Variants in TECPR1 observed in about 807,000 individuals in gnomAD.
The protein encoded by TECPR1 is tectonin beta-propeller repeat containing 1.
A neutral mutation model predicts 162.4 loss-of-function variants in TECPR1; 122 were observed. The observed-to-expected ratio is 0.75, with a 90% CI of 0.65 to 0.87. TECPR1 has a LOEUF of 0.87. Ranked by LOEUF, TECPR1 falls within the 40% of genes least tolerant of loss-of-function variation. The pLI is 0.00. For missense variants in TECPR1, 1,432 were observed against 1,618.2 expected (o/e 0.88, Z 1.97); for synonymous variants, 642 against 670.6 (o/e 0.96, Z 0.66).
At chr7:98,223,200 G>T in intron 20 of TECPR1, 30 bp from the exon 21 acceptor site, 1 of 1,554,492 alleles carries the variant, frequency 6.4e-7, no homozygotes, top group Non-Finnish European at 8.7e-7. Context: ...CACAGCCCAG[G>T]GACCCCAAGG....
chr7:98,243,948 A>C (rs1798834769), intron 5 of TECPR1, among the ~76,000 whole-genome samples: 1 of 152,216 alleles, frequency 6.6e-6, no homozygotes, highest in South Asian at 2.1e-4. Flanking sequence ...CTGTAGTCCC[A>C]GCTACTAGGG....
intron 21 of TECPR1, 54 bp from the exon 22 acceptor site, chr7:98,222,575 C>T: frequency 6.5e-7 from 1 of 1,537,382 alleles, no homozygotes; most frequent in African/African-American, 1.4e-5. Context: ...CCCCCAGGGC[C>T]CCACCTCCAG....
chr7:98,245,721 G>A (rs1214906858), intron 3 of TECPR1, among the ~76,000 whole-genome samples: 2 of 152,140 alleles, frequency 1.3e-5, no homozygotes, highest in Admixed American at 1.3e-4. Context: ...CGATCTGCCC[G>A]CCACAGCCTT....
chr7:98,233,232 A>T, intron 11 of TECPR1, 189 bp downstream of exon 11: 1 of 894,456 alleles, frequency 1.1e-6, no homozygotes, highest in Non-Finnish European at 1.6e-6. Context: ...CCAGGTCCTG[A>T]CAGCCTCGGG....
At chr7:98,236,754 G>T in intron 10 of TECPR1, 22 bp downstream of exon 10, 1 of 1,588,670 alleles carries the variant, frequency 6.3e-7, no homozygotes, top group African/African-American at 1.4e-5. Flanking sequence ...TGACTCCTGC[G>T]CACCCTGCCA....
At chr7:98,246,797 G>A (rs1255326117) in intron 2 of TECPR1, among the ~76,000 whole-genome samples, 2 of 151,652 alleles carry the variant, frequency 1.3e-5, no homozygotes, top group Non-Finnish European at 2.9e-5. Flanking sequence ...TGGACAGGCT[G>A]GTCTCGAACT....
Position 98,229,052 on chromosome 7 carries a change from G to A in TECPR1, c.2397C>T (p.Gly799=), listed in dbSNP as rs753257129. 7.5e-6 allele frequency: 12 copies of A among 1,596,012 alleles called. No individual in the cohort carries two copies. Among genetic ancestry groups the A allele is most frequent in the Admixed American group, 1.7e-5 (1 of 57,748 alleles). ...TAWVYTGGYG[G]GCFQGLASST... The stretch of plus-strand genomic sequence containing the variant: ...GGCCGCCCTCACCTTGGAAGCAGCC[G>A]CCTCCATAGCCGCCTGTGTATACCC... Residue 799 remains glycine (G), a synonymous_variant, in exon 16 of 26, where the codon GGC becomes GGT. Coordinates refer to ENST00000447648, the MANE Select transcript of TECPR1 (RefSeq NM_015395.3).
rs370504397 is a variant in TECPR1, at chr7:98,225,107, G to A, written c.2514-5C>T. Reference sequence around the variant, plus strand: ...TACCGGTCCGTGGGCAGACCCCTGCGGCAGGACAACAGGGCAGGTGACGAG... The same window carrying A: ...TACCGGTCCGTGGGCAGACCCCTGCAGCAGGACAACAGGGCAGGTGACGAG... On this transcript the variant is annotated splice_polypyrimidine_tract_variant and splice_region_variant and intron_variant, in intron 17 of 25. Coordinates refer to ENST00000447648, the MANE Select transcript of TECPR1 (RefSeq NM_015395.3). The A allele has an allele frequency of 1.6e-5, 25 of 1,564,178 alleles. No homozygotes were observed. Among genetic ancestry groups the A allele is most frequent in the African/African-American group, 1.2e-4 (9 of 73,560 alleles).
At position 98,215,723 on chromosome 7, in the gene TECPR1, G is replaced by C. The variant is rs1227478545; in HGVS notation, c.*1667C>G. 6.6e-6 allele frequency: 1 copy of C among 152,286 alleles called. No homozygotes were observed. The highest frequency in any genetic ancestry group is 1.9e-4 in the East Asian group (1 of 5,200). 9.4% of individuals were successfully genotyped at this position (152,286 alleles called of 1,614,324 possible). A position where few individuals can be genotyped will look rare whatever the true frequency, so the allele number is the denominator to read the frequency against. On this transcript the variant is annotated 3_prime_UTR_variant, in exon 26 of 26. Coordinates refer to ENST00000447648, the MANE Select transcript of TECPR1 (RefSeq NM_015395.3). Reference sequence around the variant, plus strand: ...GTAGGGGAACAAATCGTAATGCCCAGAGAAAACCTGATAGTGAAATGTAAA... The same window carrying C: ...GTAGGGGAACAAATCGTAATGCCCACAGAAAACCTGATAGTGAAATGTAAA...
At chr7:98,243,696 C>A in intron 5 of TECPR1, 104 bp from the exon 6 acceptor site, 2 of 1,411,170 alleles carry the variant, frequency 1.4e-6, no homozygotes, top group South Asian at 1.4e-5. Context: ...TTCTTCAGCC[C>A]AGCCTGCAGC....
intron 23 of TECPR1, among the ~76,000 whole-genome samples, chr7:98,220,654 G>A (rs1798118657): frequency 6.6e-6 from 1 of 151,992 alleles, no homozygotes; most frequent in South Asian, 2.1e-4. Context: ...CGCCTCTGGG[G>A]TTCACGCCAT....
chr7:98,229,530 G>C (rs573727406), intron 15 of TECPR1, among the ~76,000 whole-genome samples: 1 of 152,332 alleles, frequency 6.6e-6, no homozygotes, highest in East Asian at 1.9e-4. Context: ...GCTGGCCACA[G>C]TGGCAGGTGC....
intron 6 of TECPR1, among the ~76,000 whole-genome samples, chr7:98,242,964 ACATC>A (rs1562943867): frequency 1.2e-5 from 1 of 84,102 alleles, no homozygotes; most frequent in Non-Finnish European, 2.3e-5. Context: ...ATCCATCCAC[ACATC>A]CACCCACACC....
In TECPR1 at chr7:98,235,827, C is replaced by CAAAAAAAAAAAA. The variant is rs765569294; in HGVS notation, c.1181+937_1181+948dup. 8.1e-3 allele frequency among the ~76,000 whole-genome samples: 296 copies of CAAAAAAAAAAAA among 36,502 alleles called. 22 individuals carry two copies. Among genetic ancestry groups the CAAAAAAAAAAAA allele is most frequent in the African/African-American group, 0.02 (285 of 14,466 alleles). The allele number at this position is 36,502 out of a possible 152,430, so 23.9% of individuals were successfully genotyped here. A position where few individuals can be genotyped will look rare whatever the true frequency, so the allele number is the denominator to read the frequency against. On this transcript the variant is annotated intron_variant, in intron 10 of 25. Transcript: ENST00000447648. ...CCTGGATGACAGAGTGAGACTGTCT[C>CAAAAAAAAAAAA]AAAAAAAAAAAAAAAAAAAAAAAAC...
At chr7:98,244,543 C>T in intron 5 of TECPR1, 28 bp downstream of exon 5, 1 of 1,588,288 alleles carries the variant, frequency 6.3e-7, no homozygotes, top group Non-Finnish European at 8.6e-7. Context: ...CCCTATCCTG[C>T]CCCCAACCCA....
At chr7:98,240,355 C>T (rs527874304) in intron 8 of TECPR1, among the ~76,000 whole-genome samples, 2 of 152,256 alleles carry the variant, frequency 1.3e-5, no homozygotes, top group African/African-American at 4.8e-5. Flanking sequence ...ACAAAACGTC[C>T]TGGAGATTGG....
At chr7:98,235,827 CAAAAAAAAA>C (rs765569294) in intron 10 of TECPR1, among the ~76,000 whole-genome samples, 533 of 36,658 alleles carry the variant, frequency 0.015, 27 homozygotes, top group African/African-American at 0.035. Context: ...GAGACTGTCT[CAAAAAAAAA>C]AAAAAAAAAA....
chr7:98,243,628 G>T (rs193289502), intron 5 of TECPR1, 36 bp from the exon 6 acceptor site: 1 of 1,596,778 alleles, frequency 6.3e-7, no homozygotes, highest in Non-Finnish European at 8.6e-7. Context: ...AGCAGTCAGC[G>T]CCCAGTGGGC....
intron 16 of TECPR1, 21 bp downstream of exon 16, chr7:98,229,018 G>A (rs1196199555): frequency 6.3e-7 from 1 of 1,596,804 alleles, no homozygotes; most frequent in South Asian, 1.1e-5. Context: ...AGGCTCCGGG[G>A]GGGCTGTGGG....
Sources: gnomAD v4.1 joint callset for allele counts (sites outside exome capture counted in the v4.1 genomes callset) on GRCh38, gnomAD v4.1.1 for gene constraint, MANE v1.5 for transcripts, NCBI Gene and HGNC (gene_info 2026-07-23, HGNC 2026-07-21) for gene names.